Variants in GALNT7 observed in about 807,000 individuals in gnomAD.
GALNT7 encodes N-acetylgalactosaminyltransferase 7.
In GALNT7, 60 loss-of-function variants were observed where a neutral mutation model predicts 82.1. The observed-to-expected ratio is 0.73, with a 90% CI of 0.59 to 0.91. GALNT7 has a LOEUF of 0.91. Ranked by LOEUF, GALNT7 falls within the 40% of genes least tolerant of loss-of-function variation. The pLI is 0.00. For synonymous variants in GALNT7, 243 were observed against 275.1 expected, an observed-to-expected ratio of 0.88 and a Z score of 1.15; for missense variants, 660 against 804.2, an observed-to-expected ratio of 0.82 and a Z score of 2.17.
chr4:173,235,289 A>G (rs550744737), intron 1 of GALNT7, among the ~76,000 whole-genome samples: 1 of 152,354 alleles, frequency 6.6e-6, no homozygotes, highest in African/African-American at 2.4e-5. Context: ...GATGAAGTCC[A>G]GATGCATTAC....
At chr4:173,237,463 G>A (rs1479699280) in intron 1 of GALNT7, among the ~76,000 whole-genome samples, 1 of 152,166 alleles carries the variant, frequency 6.6e-6, no homozygotes, top group Non-Finnish European at 1.5e-5. Flanking sequence ...CCTTTCAAAA[G>A]GGTATAACAA....
intron 1 of GALNT7, among the ~76,000 whole-genome samples, chr4:173,182,928 A>G (rs1732303896): frequency 6.8e-6 from 1 of 147,078 alleles, no homozygotes. Flanking sequence ...CTCATAATAC[A>G]CACACACACA....
At position 173,298,291 on chromosome 4, in the gene GALNT7, C is replaced by T. The variant is rs988620410; in HGVS notation, c.1142C>T (p.Pro381Leu). ...EKRLRKTKTE[P>L]YRSPAMAGGL... ...AGACTGAGAAAGACAAAAACTGAAC[C>T]GTATCGGTAATCACTAAATCACTTA... The change falls in exon 6 of 12, where the codon CCG (proline) becomes CTG (leucine). Residue 381 changes from proline (P) to leucine (L), a missense_variant. Around this residue, in one of 2 missense-constraint regions of GALNT7, gnomAD observed 527 missense variants for 683.5 expected, o/e 0.77. Transcript: ENST00000265000. 2.2e-5 allele frequency: 34 copies of T among 1,558,750 alleles called. No homozygotes were observed. Among genetic ancestry groups the T allele is most frequent in the Non-Finnish European group, 2.7e-5 (31 of 1,158,280 alleles).
At chr4:173,257,721 A>T (rs949292857) in intron 2 of GALNT7, among the ~76,000 whole-genome samples, 1 of 152,178 alleles carries the variant, frequency 6.6e-6, no homozygotes, top group Non-Finnish European at 1.5e-5. Flanking sequence ...TTTAGAATGA[A>T]CCCTGCCATT....
chr4:173,242,350 G>A (rs1398834217), intron 1 of GALNT7, among the ~76,000 whole-genome samples: 1 of 152,114 alleles, frequency 6.6e-6, no homozygotes, highest in Non-Finnish European at 1.5e-5. Flanking sequence ...CTGAAAGCAT[G>A]CTTCATCCAT....
At chr4:173,270,677 T>G (rs976401421) in intron 2 of GALNT7, among the ~76,000 whole-genome samples, 1 of 152,380 alleles carries the variant, frequency 6.6e-6, no homozygotes, top group East Asian at 1.9e-4. Context: ...CTCAGTAATA[T>G]TTGGAACATT....
At chr4:173,299,854 A>C (rs1044807715) in intron 6 of GALNT7, among the ~76,000 whole-genome samples, 6 of 151,960 alleles carry the variant, frequency 3.9e-5, no homozygotes, top group South Asian at 4.1e-4. Flanking sequence ...TCAAAAACAA[A>C]AAAAAAAAGA....
At chr4:173,291,527 A>C (rs1367776613) in intron 2 of GALNT7, among the ~76,000 whole-genome samples, 1 of 152,242 alleles carries the variant, frequency 6.6e-6, no homozygotes, top group Non-Finnish European at 1.5e-5. Flanking sequence ...TGTTTCAAAT[A>C]GTTGTGTAGA....
chr4:173,280,474 G>A (rs1244627094), intron 2 of GALNT7, among the ~76,000 whole-genome samples: 2 of 152,092 alleles, frequency 1.3e-5, no homozygotes, highest in Admixed American at 1.3e-4. Flanking sequence ...CATATTTTCT[G>A]CTAATGCCAA....
intron 2 of GALNT7, among the ~76,000 whole-genome samples, chr4:173,277,733 GA>G (rs1735966197): frequency 6.6e-6 from 1 of 152,184 alleles, no homozygotes; most frequent in Admixed American, 6.5e-5. Context: ...GTAAAATAAT[GA>G]AAAAGCAAAG....
chr4:173,292,066 A>G lies in GALNT7; in HGVS notation c.588-42A>G. On this transcript the variant is annotated intron_variant, in intron 2 of 11. Transcript: ENST00000265000. The surrounding 1 kb of genome is among the most constrained non-coding windows in gnomAD (Gnocchi z 4.8). ...TAGTCAGCTTGGAGCCAAGCAGTAT[A>G]GATTACCTGTAAATAAATATGATGA... The G allele has an allele frequency of 7.3e-7, 1 of 1,379,272 alleles. No individual in the cohort carries two copies. The highest frequency in any genetic ancestry group is 1.0e-6 in the Non-Finnish European group (1 of 972,416). 85.4% of individuals were successfully genotyped at this position (1,379,272 alleles called of 1,614,324 possible). A position where few individuals can be genotyped will look rare whatever the true frequency, so the allele number is the denominator to read the frequency against.
chr4:173,262,583 GT>G (rs1288003326), intron 2 of GALNT7, among the ~76,000 whole-genome samples: 1 of 152,160 alleles, frequency 6.6e-6, no homozygotes, highest in Admixed American at 6.5e-5. Flanking sequence ...GATGTCAGTT[GT>G]TTTTGTTGAA....
chr4:173,242,396 C>A (rs951877102), intron 1 of GALNT7, among the ~76,000 whole-genome samples: 6 of 152,114 alleles, frequency 3.9e-5, no homozygotes, highest in African/African-American at 1.4e-4. Flanking sequence ...AGAGGCATTG[C>A]CATTGGAAAG....
In GALNT7 at chr4:173,266,085, C is replaced by T. The variant is rs577145380; in HGVS notation, c.587+17645C>T. The stretch of plus-strand genomic sequence containing the variant: ...CCAGCCTGGCCAACATGGCGAAACC[C>T]TGTCTCTACTACAAATACAAAAAAA... On this transcript the variant is annotated intron_variant, in intron 2 of 11. Coordinates refer to ENST00000265000, the MANE Select transcript of GALNT7 (RefSeq NM_017423.3). Among the ~76,000 whole-genome samples, 49 of 152,280 alleles carry T rather than the reference C, an allele frequency of 3.2e-4. 1 individual carries two copies. Among genetic ancestry groups the T allele is most frequent in the Admixed American group, 1.2e-3 (19 of 15,302 alleles).
intron 5 of GALNT7, 80 bp from the exon 6 acceptor site, chr4:173,298,035 T>TC: frequency 6.5e-7 from 1 of 1,546,928 alleles, no homozygotes; most frequent in African/African-American, 1.4e-5. Flanking sequence ...CTTTTTTTTT[T>TC]CTTCCCCATG....
At chr4:173,242,302 C>T (rs940772091) in intron 1 of GALNT7, among the ~76,000 whole-genome samples, 11 of 152,160 alleles carry the variant, frequency 7.2e-5, no homozygotes, top group Non-Finnish European at 8.8e-5. Flanking sequence ...TAAGCCACAC[C>T]TAGAGCTTAT....
chr4:173,188,147 A>G (rs543256489), intron 1 of GALNT7, among the ~76,000 whole-genome samples: 3 of 152,394 alleles, frequency 2.0e-5, no homozygotes, highest in African/African-American at 7.2e-5. Flanking sequence ...AGTAACTTAT[A>G]CTGAACTCTT....
intron 2 of GALNT7, among the ~76,000 whole-genome samples, chr4:173,279,476 T>C (rs1225335662): frequency 1.3e-5 from 2 of 152,176 alleles, no homozygotes; most frequent in Non-Finnish European, 2.9e-5. Context: ...ATCCAAACTA[T>C]ATCAAGTGAT....
chr4:173,185,665 T>C (rs1048313972), intron 1 of GALNT7, among the ~76,000 whole-genome samples: 2 of 152,198 alleles, frequency 1.3e-5, no homozygotes, highest in Non-Finnish European at 2.9e-5. Flanking sequence ...AACTCTGTAT[T>C]GTAACAAGTT....
Sources: gnomAD v4.1 joint callset for allele counts (sites outside exome capture counted in the v4.1 genomes callset) on GRCh38, gnomAD v4.1.1 for gene constraint, gnomAD v4.1.1 regional missense constraint, Gnocchi (gnomAD v3.1) non-coding constraint, MANE v1.5 for transcripts, NCBI Gene and HGNC (gene_info 2026-07-23, HGNC 2026-07-21) for gene names.